Variants in DNM1 observed in about 807,000 individuals in gnomAD.
DNM1 encodes dynamin 1.
A neutral mutation model predicts 104.6 loss-of-function variants in DNM1; 29 were observed. The observed-to-expected ratio is 0.28, with a 90% CI of 0.21 to 0.38. The LOEUF (loss-of-function observed/expected upper bound fraction) is 0.38. Ranked by LOEUF, DNM1 falls within the 10% of genes least tolerant of loss-of-function variation. The pLI, the probability that DNM1 is intolerant of heterozygous loss-of-function variation, is 1.00. For missense variants in DNM1, 640 were observed against 1,189.4 expected (o/e 0.54, Z 6.79); for synonymous variants, 445 against 475.8 (o/e 0.94, Z 0.84).
chr9:128,216,404 T>C (rs1191650137), intron 1 of DNM1, among the ~76,000 whole-genome samples: 2 of 152,158 alleles, frequency 1.3e-5, no homozygotes, highest in African/African-American at 4.8e-5. Flanking sequence ...AATCTCTATA[T>C]CAGAGCACAG....
rs2131278137 is a variant in DNM1, at chr9:128,245,305, G to A, written c.1672-1089G>A. Among the ~76,000 whole-genome samples, 1 of 152,142 alleles carries A rather than the reference G, an allele frequency of 6.6e-6. No individual in the cohort carries two copies. The highest frequency in any genetic ancestry group is 2.1e-4 in the South Asian group (1 of 4,820). On this transcript the variant is annotated intron_variant, in intron 15 of 21. Transcript: ENST00000372923. The surrounding 1 kb of genome is among the most constrained non-coding windows in gnomAD (Gnocchi z 5.2). ...GGTGGGCGGGATGACGCCAGGACGG[G>A]GGAGCAAGGTCCCCCTAAACCCAGC...
Position 128,222,993 on chromosome 9 carries a change from C to A in DNM1, c.1196+133C>A. 1.1e-6 allele frequency: 1 copy of A among 870,904 alleles called. No homozygotes were observed. Among genetic ancestry groups the A allele is most frequent in the South Asian group, 1.6e-5 (1 of 61,902 alleles). 53.9% of individuals were successfully genotyped at this position (870,904 alleles called of 1,614,324 possible). ...TGTTCCCCAGTCCTCTCGACCCCAACTTTCTGGCTCCCTGCATGACAGGCT... is the reference window on the plus strand; with the variant it reads ...TGTTCCCCAGTCCTCTCGACCCCAAATTTCTGGCTCCCTGCATGACAGGCT... On this transcript the variant is annotated intron_variant, in intron 9 of 21. Transcript: ENST00000372923. This position sits in a 1 kb window ranked among gnomAD's most constrained non-coding sequence, Gnocchi z 7.8.
chr9:128,248,417 G>T lies in DNM1; in HGVS notation c.1906-166G>T. 1.4e-6 allele frequency: 1 copy of T among 700,852 alleles called. No homozygotes were observed. 43.4% of individuals were successfully genotyped at this position (700,852 alleles called of 1,614,324 possible). On this transcript the variant is annotated intron_variant, in intron 18 of 21. Transcript: ENST00000372923. The surrounding 1 kb of genome is among the most constrained non-coding windows in gnomAD (Gnocchi z 5.6). ...GACAAGGCTGAATCAGGGGAGTCTA[G>T]GGTCCTGAGAGGCACAGGGATGCGG... is the stretch of plus-strand genomic sequence containing the variant.
chr9:128,232,666 C>T (rs1002009111), intron 10 of DNM1: 5 of 152,654 alleles, frequency 3.3e-5, no homozygotes, highest in Admixed American at 6.5e-5. Context: ...GGAAGAAGGA[C>T]GAGGAGCGCT....
intron 10 of DNM1, among the ~76,000 whole-genome samples, chr9:128,233,411 T>C (rs1217804632): frequency 6.6e-6 from 1 of 152,078 alleles, no homozygotes; most frequent in Non-Finnish European, 1.5e-5. Context: ...CCTCGCATGC[T>C]TTTGCTTGTG....
intron 9 of DNM1, 148 bp downstream of exon 9, chr9:128,223,008 C>T: frequency 1.3e-6 from 1 of 772,614 alleles, no homozygotes; most frequent in Non-Finnish European, 2.1e-6. Context: ...TGGCTCCCTG[C>T]ATGACAGGCT....
At chr9:128,232,967 A>T (rs187505561) in intron 10 of DNM1, among the ~76,000 whole-genome samples, 154 of 152,114 alleles carry the variant, frequency 1.0e-3, no homozygotes, top group Non-Finnish European at 1.6e-3. Flanking sequence ...AGTTGATTGG[A>T]GGAGGTGGAG....
intron 10 of DNM1, chr9:128,226,276 G>T (rs896422705): frequency 6.6e-7 from 1 of 1,519,792 alleles, no homozygotes. Flanking sequence ...ACGGCTACCC[G>T]CAGGGACCCA....
At chr9:128,232,109 A>C (rs769809728) in intron 10 of DNM1, 8 of 451,242 alleles carry the variant, frequency 1.8e-5, no homozygotes, top group African/African-American at 1.4e-4. Flanking sequence ...AACTTGAGAC[A>C]TGTGACATCC....
chr9:128,241,534 T>C (rs1235047957), intron 14 of DNM1, among the ~76,000 whole-genome samples: 1 of 152,194 alleles, frequency 6.6e-6, no homozygotes, highest in Non-Finnish European at 1.5e-5. Flanking sequence ...TATTGATCAC[T>C]TACTATCTGC....
rs1247242231 is a variant in DNM1 at position 128,220,880 on chromosome 9, A to G, written c.849+539A>G. ...CTGAGCCTCTATTTCTTTTTTCTTT[A>G]TTTGTTTTCTTTCTTTCTTTCTTTC... On this transcript the variant is annotated intron_variant, in intron 6 of 21. Coordinates refer to ENST00000372923, the MANE Select transcript of DNM1 (RefSeq NM_004408.4). The surrounding 1 kb of genome is among the most constrained non-coding windows in gnomAD (Gnocchi z 5.2). Among the ~76,000 whole-genome samples the G allele has an allele frequency of 4.6e-5, 4 of 87,906 alleles. No homozygotes were observed. Among genetic ancestry groups the G allele is most frequent in the Non-Finnish European group, 7.8e-5 (3 of 38,652 alleles). The allele number at this position is 87,906 out of a possible 152,430, so 57.7% of individuals were successfully genotyped here. A position where few individuals can be genotyped will look rare whatever the true frequency, so the allele number is the denominator to read the frequency against.
rs1726589221 is a variant in DNM1, at chr9:128,247,863, T to G, written c.1894-61T>G. 1 of 1,601,980 alleles carries G rather than the reference T, an allele frequency of 6.2e-7. No homozygotes were observed. On this transcript the variant is annotated intron_variant, in intron 17 of 21. Coordinates refer to ENST00000372923, the MANE Select transcript of DNM1 (RefSeq NM_004408.4). This position sits in a 1 kb window ranked among gnomAD's most constrained non-coding sequence, Gnocchi z 5.1. ...TCTCTCCCCTTTTCCTCTCTGTGTT[T>G]CCTTCGGCTGTGCTCCCTGGTGGTG...
At chr9:128,234,241 A>C in intron 11 of DNM1, 134 bp downstream of exon 11, 2 of 697,154 alleles carry the variant, frequency 2.9e-6, no homozygotes, top group East Asian at 5.8e-5. Flanking sequence ...TCTCATACTG[A>C]CTCTCTGCTT....
At chr9:128,210,451 T>A (rs1834221431) in intron 1 of DNM1, among the ~76,000 whole-genome samples, 1 of 151,850 alleles carries the variant, frequency 6.6e-6, no homozygotes, top group Non-Finnish European at 1.5e-5. Flanking sequence ...AACCTCCGCC[T>A]CCCAGGTTCA....
chr9:128,217,009 G>A (rs1834647061), intron 1 of DNM1, among the ~76,000 whole-genome samples: 1 of 152,218 alleles, frequency 6.6e-6, no homozygotes, highest in Non-Finnish European at 1.5e-5. Context: ...CTGGAGGGTG[G>A]TGCAGAGGGA....
In DNM1 at chr9:128,220,412, G is replaced by A; in HGVS notation, c.849+71G>A. The A allele has an allele frequency of 6.4e-7, 1 of 1,574,340 alleles. No homozygotes were observed. Among genetic ancestry groups the A allele is most frequent in the Non-Finnish European group, 8.6e-7 (1 of 1,158,490 alleles). On this transcript the variant is annotated intron_variant, in intron 6 of 21. Transcript: ENST00000372923. The surrounding 1 kb of genome is among the most constrained non-coding windows in gnomAD (Gnocchi z 5.2). ...ACAGGATAAATTAAGTGTGTTCTGA[G>A]AGTGAACAGCAGAGGTTAGCCTCTC... is the stretch of plus-strand genomic sequence containing the variant.
intron 1 of DNM1, among the ~76,000 whole-genome samples, chr9:128,214,129 T>C (rs558172647): frequency 3.7e-4 from 57 of 152,132 alleles, no homozygotes; most frequent in African/African-American, 1.3e-3. Context: ...CCAAGCTCAC[T>C]GCCATCCTCC....
At chr9:128,207,789 G>A (rs1834055209) in intron 1 of DNM1, among the ~76,000 whole-genome samples, 1 of 152,174 alleles carries the variant, frequency 6.6e-6, no homozygotes, top group Non-Finnish European at 1.5e-5. Flanking sequence ...TGGCATGGAG[G>A]ACGCGCTGCT....
chr9:128,216,436 A>G (rs554330158), intron 1 of DNM1, among the ~76,000 whole-genome samples: 15 of 152,206 alleles, frequency 9.9e-5, no homozygotes, highest in Non-Finnish European at 1.9e-4. Context: ...TGGAGATTCA[A>G]TCAGAATTTA....
Sources: gnomAD v4.1 joint callset for allele counts (sites outside exome capture counted in the v4.1 genomes callset) on GRCh38, gnomAD v4.1.1 for gene constraint, Gnocchi (gnomAD v3.1) non-coding constraint, MANE v1.5 for transcripts, NCBI Gene and HGNC (gene_info 2026-07-23, HGNC 2026-07-21) for gene names.